Variants in CDC40 observed in about 807,000 individuals in gnomAD.
CDC40 encodes pre-mRNA-processing factor 17.
Under a neutral mutation model 80.6 loss-of-function variants are expected in CDC40, and 27 were observed. That is an observed-to-expected ratio of 0.33 (90% CI 0.25 to 0.46). The LOEUF (loss-of-function observed/expected upper bound fraction) is 0.46, where lower values mean the gene tolerates loss of function less well. Among genes scored for constraint, CDC40 ranks in the 20% least tolerant of loss-of-function variants. The probability of loss-of-function intolerance (pLI) is 1.00; values close to 1 mark genes in which losing one functional copy is unlikely to be tolerated. For missense variants in CDC40, 486 were observed against 694.1 expected, an observed-to-expected ratio of 0.70 and a Z score of 3.37; for synonymous variants, 221 against 232.6, an observed-to-expected ratio of 0.95 and a Z score of 0.45.
chr6:110,226,880 C>T lies in CDC40; in HGVS notation c.1417+637C>T, dbSNP rs894000030. Among the ~76,000 whole-genome samples the T allele has an allele frequency of 5.9e-5, 9 of 152,074 alleles. No homozygotes were observed. The East Asian group carries it at 1.7e-3, about 29-fold the overall frequency. ...AAATAAAATTTTAAAAATCAGCTGGCATGGTGGTGCACATTTGTAGCCCTA... is the reference window on the plus strand; with the variant it reads ...AAATAAAATTTTAAAAATCAGCTGGTATGGTGGTGCACATTTGTAGCCCTA... On this transcript the variant is annotated intron_variant, in intron 13 of 14. Transcript: ENST00000307731.
At chr6:110,197,088 G>A (rs559778711) in intron 2 of CDC40, among the ~76,000 whole-genome samples, 13 of 152,084 alleles carry the variant, frequency 8.5e-5, no homozygotes, top group East Asian at 3.9e-4. Context: ...ATACTCTACC[G>A]ACTGAAGATT....
In CDC40 at chr6:110,212,252, G is replaced by A. The variant is rs757888735; in HGVS notation, c.847G>A (p.Val283Met). ...KCYLPKKQIHVWSGHTKGVSA... is the reference protein window; with the variant it reads ...KCYLPKKQIHMWSGHTKGVSA... ...TTATCTTCCCAAAAAACAAATTCATGTGTGGTCTGGACACACAAAGGTAAG... is the reference window on the plus strand; with the variant it reads ...TTATCTTCCCAAAAAACAAATTCATATGTGGTCTGGACACACAAAGGTAAG... Residue 283 changes from valine (V) to methionine (M), a missense_variant, in exon 7 of 15, where the codon GTG becomes ATG. Val to Met is a conservative substitution (Grantham distance 21). Around this residue, in one of 3 missense-constraint regions of CDC40, gnomAD observed 381 missense variants for 492.1 expected, o/e 0.77. Transcript: ENST00000307731. 1 of 1,614,058 alleles carries A rather than the reference G, an allele frequency of 6.2e-7. No individual in the cohort carries two copies. The highest frequency in any genetic ancestry group is 8.5e-7 in the Non-Finnish European group (1 of 1,179,976).
chr6:110,216,849 A>G (rs1386886801), intron 9 of CDC40, among the ~76,000 whole-genome samples: 1 of 152,232 alleles, frequency 6.6e-6, no homozygotes, highest in East Asian at 1.9e-4. Flanking sequence ...TAAGTAAAGT[A>G]TAATAATCAG....
intron 4 of CDC40, 33 bp from the exon 5 acceptor site, chr6:110,209,051 G>GT (rs200116966): frequency 0.054 from 60,565 of 1,125,390 alleles, 678 homozygotes; most frequent in East Asian, 0.13. Flanking sequence ...TAATCTCTCA[G>GT]TTTTTTTTTT....
chr6:110,202,726 G>A lies in CDC40; in HGVS notation c.406+1039G>A, dbSNP rs933934994. Among the ~76,000 whole-genome samples the A allele has an allele frequency of 3.3e-5, 5 of 152,070 alleles. No individual in the cohort carries two copies. The East Asian group carries it at 5.8e-4, about 18-fold the overall frequency. On this transcript the variant is annotated intron_variant, in intron 3 of 14. Coordinates refer to ENST00000307731, the MANE Select transcript of CDC40 (RefSeq NM_015891.3). ...TTGTTTTAAGTATCTGGTGATTTTTGCCTCTCCCACTAGGAAGTGGTGAGG... is the reference window on the plus strand; with the variant it reads ...TTGTTTTAAGTATCTGGTGATTTTTACCTCTCCCACTAGGAAGTGGTGAGG...
intron 4 of CDC40, among the ~76,000 whole-genome samples, chr6:110,208,041 G>C (rs1342686870): frequency 6.6e-6 from 1 of 152,172 alleles, no homozygotes; most frequent in Non-Finnish European, 1.5e-5. Context: ...ATGTATGCTT[G>C]TATTCATATT....
At chr6:110,190,642 TTGG>T (rs1194178171) in intron 1 of CDC40, among the ~76,000 whole-genome samples, 1 of 152,182 alleles carries the variant, frequency 6.6e-6, no homozygotes, top group Non-Finnish European at 1.5e-5. Flanking sequence ...AACTGCCACG[TTGG>T]TGGTCACATA....
chr6:110,183,313 A>G (rs1421854307), intron 1 of CDC40, among the ~76,000 whole-genome samples: 1 of 152,162 alleles, frequency 6.6e-6, no homozygotes, highest in Non-Finnish European at 1.5e-5. Flanking sequence ...AAGATTAGGG[A>G]AGTATATTTG....
intron 2 of CDC40, among the ~76,000 whole-genome samples, chr6:110,200,137 A>G (rs1777477071): frequency 1.3e-5 from 2 of 152,226 alleles, no homozygotes; most frequent in Admixed American, 1.3e-4. Flanking sequence ...AAAGCTTTGT[A>G]TATAAATCAG....
chr6:110,190,846 G>T (rs991248280), intron 1 of CDC40, among the ~76,000 whole-genome samples: 5 of 152,076 alleles, frequency 3.3e-5, no homozygotes, highest in Non-Finnish European at 5.9e-5. Context: ...ACTCCCCAGG[G>T]TCTTAGATTA....
chr6:110,185,241 C>CTTTTTTTTTTTT (rs1227694611), intron 1 of CDC40, among the ~76,000 whole-genome samples: 45 of 124,016 alleles, frequency 3.6e-4, no homozygotes, highest in East Asian at 1.2e-3. Flanking sequence ...ATCTTTTTTT[C>CTTTTTTTTTTTT]TTTTTTTTTT....
At chr6:110,203,782 C>G (rs1777522367) in intron 3 of CDC40, among the ~76,000 whole-genome samples, 1 of 152,142 alleles carries the variant, frequency 6.6e-6, no homozygotes, top group Non-Finnish European at 1.5e-5. Context: ...TTTCTCCTGA[C>G]TTCTCAGCCC....
At chr6:110,228,711 TTAGTA>T in intron 13 of CDC40, 116 bp from the exon 14 acceptor site, 1 of 668,870 alleles carries the variant, frequency 1.5e-6, no homozygotes, top group Non-Finnish European at 2.4e-6. Flanking sequence ...AATTTATTTT[TTAGTA>T]TTATAAAGTA....
intron 9 of CDC40, among the ~76,000 whole-genome samples, chr6:110,215,604 C>T (rs902297054): frequency 5.9e-5 from 9 of 152,084 alleles, no homozygotes; most frequent in African/African-American, 2.2e-4. Context: ...TGGTGAGAGA[C>T]AAAAGCGGAG....
intron 13 of CDC40, among the ~76,000 whole-genome samples, chr6:110,228,033 G>C (rs1777888313): frequency 6.6e-6 from 1 of 152,208 alleles, no homozygotes; most frequent in Admixed American, 6.5e-5. Context: ...CACAAACCTA[G>C]ATGGTATAGT....
At chr6:110,210,552 GAAAAA>G (rs57785109) in intron 5 of CDC40, among the ~76,000 whole-genome samples, 150 bp from the exon 6 acceptor site, 6 of 64,500 alleles carry the variant, frequency 9.3e-5, no homozygotes, top group African/African-American at 2.4e-4. Context: ...ACTCATCTCA[GAAAAA>G]AAAAAAAAAA....
intron 3 of CDC40, among the ~76,000 whole-genome samples, chr6:110,204,055 C>T (rs1050534537): frequency 6.6e-6 from 1 of 152,130 alleles, no homozygotes; most frequent in South Asian, 2.1e-4. Context: ...CTCTCTTGCC[C>T]AGGCTGGAGT....
intron 2 of CDC40, among the ~76,000 whole-genome samples, chr6:110,194,264 G>A (rs563332558): frequency 2.0e-5 from 3 of 152,238 alleles, no homozygotes; most frequent in South Asian, 4.1e-4. Context: ...ATACAGCTTC[G>A]GTTGATATCA....
intron 13 of CDC40, among the ~76,000 whole-genome samples, chr6:110,227,260 A>G (rs1777876871): frequency 6.6e-6 from 1 of 152,188 alleles, no homozygotes; most frequent in Non-Finnish European, 1.5e-5. Context: ...TTAAAGTGGG[A>G]GTTCTGATGT....
Sources: gnomAD v4.1 joint callset for allele counts (sites outside exome capture counted in the v4.1 genomes callset) on GRCh38, gnomAD v4.1.1 for gene constraint, gnomAD v4.1.1 regional missense constraint, MANE v1.5 for transcripts, NCBI Gene and HGNC (gene_info 2026-07-23, HGNC 2026-07-21) for gene names.